Variants in THRB observed in about 807,000 individuals in gnomAD.
THRB encodes the protein thyroid hormone receptor beta, also known as nuclear receptor subfamily 1 group A member 2.
Under a neutral mutation model 47.8 loss-of-function variants are expected in THRB, and 12 were observed. The ratio of observed to expected loss-of-function variants is 0.25; its 90% confidence interval spans 0.16 to 0.41. The LOEUF (loss-of-function observed/expected upper bound fraction) is 0.41. Among genes scored for constraint, THRB ranks in the 10% least tolerant of loss-of-function variants. The probability of loss-of-function intolerance (pLI) is 1.00; values close to 1 mark genes in which losing one functional copy is unlikely to be tolerated. For synonymous variants in THRB, 218 were observed against 212.2 expected (o/e 1.03, Z -0.24); for missense variants, 348 against 589.2 (o/e 0.59, Z 4.24).
chr3:24,167,734 C>T (rs1418452145), intron 5 of THRB, among the ~76,000 whole-genome samples: 1 of 152,130 alleles, frequency 6.6e-6, no homozygotes, highest in East Asian at 1.9e-4. Context: ...CTCTCTTTCT[C>T]ATTAAAGGCA....
chr3:24,243,575 A>G (rs2150281872), intron 3 of THRB, among the ~76,000 whole-genome samples: 1 of 152,040 alleles, frequency 6.6e-6, no homozygotes, highest in African/African-American at 2.4e-5. Flanking sequence ...CGGGATGCCT[A>G]TTTGAACATC....
intron 2 of THRB, among the ~76,000 whole-genome samples, chr3:24,315,384 C>T (rs376343729): frequency 1.1e-4 from 17 of 152,230 alleles, no homozygotes; most frequent in African/African-American, 3.9e-4. Context: ...CCCAAAGCCA[C>T]GTCCTGCACT....
At chr3:24,379,646 A>C (rs1023491537) in intron 1 of THRB, among the ~76,000 whole-genome samples, 1 of 152,048 alleles carries the variant, frequency 6.6e-6, no homozygotes, top group African/African-American at 2.4e-5. Flanking sequence ...AGTAGATTTG[A>C]GATCCCTACT....
At chr3:24,245,397 C>T (rs1330804459) in intron 3 of THRB, among the ~76,000 whole-genome samples, 1 of 152,164 alleles carries the variant, frequency 6.6e-6, no homozygotes, top group Non-Finnish European at 1.5e-5. Flanking sequence ...CCCTTTCCTT[C>T]TGACAGATAT....
At chr3:24,264,222 C>T (rs936771726) in intron 3 of THRB, among the ~76,000 whole-genome samples, 17 of 152,034 alleles carry the variant, frequency 1.1e-4, no homozygotes, top group African/African-American at 4.1e-4. Flanking sequence ...GCCTCAGGAC[C>T]TTTGAACATG....
chr3:24,398,144 A>T (rs1023065536), intron 1 of THRB, among the ~76,000 whole-genome samples: 9 of 152,200 alleles, frequency 5.9e-5, no homozygotes, highest in East Asian at 1.9e-4. Flanking sequence ...CTCATTTTTT[A>T]AAAAAATGGA....
intron 3 of THRB, among the ~76,000 whole-genome samples, chr3:24,251,113 A>G (rs2050625006): frequency 6.6e-6 from 1 of 152,138 alleles, no homozygotes; most frequent in Admixed American, 6.5e-5. Flanking sequence ...CTCTTTGTCA[A>G]AGAGTAAATA....
chr3:24,146,247 C>T (rs1272847145), intron 7 of THRB, among the ~76,000 whole-genome samples: 1 of 152,176 alleles, frequency 6.6e-6, no homozygotes. Context: ...TGTCTTTGCT[C>T]TTGAAAAAAT....
At chr3:24,176,151 AT>A (rs1182048827) in intron 5 of THRB, among the ~76,000 whole-genome samples, 3 of 152,120 alleles carry the variant, frequency 2.0e-5, no homozygotes, top group Admixed American at 6.5e-5. Flanking sequence ...CTAGAAAAAA[AT>A]GCTCTTCGAT....
intron 3 of THRB, among the ~76,000 whole-genome samples, chr3:24,231,074 G>T (rs1466407415): frequency 1.3e-5 from 2 of 152,182 alleles, no homozygotes; most frequent in Admixed American, 6.5e-5. Context: ...CTCCTCCAGG[G>T]ATTTGGCTAT....
chr3:24,431,779 A>G (rs1239703804), intron 1 of THRB, among the ~76,000 whole-genome samples: 1 of 152,100 alleles, frequency 6.6e-6, no homozygotes, highest in Admixed American at 6.6e-5. Flanking sequence ...AAAGTGATAT[A>G]TTGCCTAGCA....
At chr3:24,218,552 T>C (rs1235494417) in intron 4 of THRB, among the ~76,000 whole-genome samples, 1 of 152,090 alleles carries the variant, frequency 6.6e-6, no homozygotes, top group Non-Finnish European at 1.5e-5. Context: ...TTTGTTTTTT[T>C]TTTCCATTGT....
chr3:24,155,455 C>T (rs1175494166), intron 5 of THRB, among the ~76,000 whole-genome samples: 5 of 152,200 alleles, frequency 3.3e-5, no homozygotes, highest in South Asian at 4.1e-4. Context: ...GGCAATGATA[C>T]ATCAATCATT....
intron 3 of THRB, among the ~76,000 whole-genome samples, chr3:24,289,911 C>T (rs994495854): frequency 2.0e-5 from 3 of 152,124 alleles, no homozygotes; most frequent in African/African-American, 7.2e-5. Context: ...CTTATAGATT[C>T]CCCCATCCCC....
chr3:24,253,347 A>C (rs566415834), intron 3 of THRB, among the ~76,000 whole-genome samples: 1 of 152,362 alleles, frequency 6.6e-6, no homozygotes, highest in South Asian at 2.1e-4. Context: ...ACAGATAGGC[A>C]TCAAGTGCCA....
chr3:24,176,144 G>GA (rs1174047830), intron 5 of THRB, among the ~76,000 whole-genome samples: 1 of 151,726 alleles, frequency 6.6e-6, no homozygotes, highest in Non-Finnish European at 1.5e-5. Context: ...TATATCTCTA[G>GA]AAAAAAATGC....
chr3:24,453,247 T>C (rs916639134), intron 1 of THRB, among the ~76,000 whole-genome samples: 3 of 152,244 alleles, frequency 2.0e-5, no homozygotes, highest in African/African-American at 7.2e-5. Context: ...ACTCTTGTGA[T>C]GCATATACAG....
chr3:24,362,930 A>G (rs2064180338), intron 1 of THRB, among the ~76,000 whole-genome samples: 1 of 152,166 alleles, frequency 6.6e-6, no homozygotes, highest in African/African-American at 2.4e-5. Context: ...TACATGTGAC[A>G]ACTGGAATCT....
At chr3:24,377,568 A>C (rs990130958) in intron 1 of THRB, among the ~76,000 whole-genome samples, 3 of 152,120 alleles carry the variant, frequency 2.0e-5, no homozygotes, top group African/African-American at 7.2e-5. Context: ...GATTTTGCAA[A>C]CCTGATATGG....
Sources: gnomAD v4.1 joint callset for allele counts (sites outside exome capture counted in the v4.1 genomes callset) on GRCh38, gnomAD v4.1.1 for gene constraint, MANE v1.5 for transcripts, NCBI Gene and HGNC (gene_info 2026-07-23, HGNC 2026-07-21) for gene names.